Variants in ARFGEF1 observed in about 807,000 individuals in gnomAD.
The protein encoded by ARFGEF1 is ARF guanine nucleotide exchange factor 1.
ARFGEF1 carries 42 observed loss-of-function variants against 231.0 expected under a neutral mutation model. The observed-to-expected ratio is 0.18, with a 90% CI of 0.14 to 0.24. ARFGEF1 has a LOEUF of 0.24. Among genes scored for constraint, ARFGEF1 ranks in the 10% least tolerant of loss-of-function variants. The probability of loss-of-function intolerance (pLI) is 1.00; values close to 1 mark genes in which losing one functional copy is unlikely to be tolerated. For missense variants in ARFGEF1, 1,345 were observed against 2,192.0 expected (o/e 0.61, Z 7.72); for synonymous variants, 710 against 732.3 (o/e 0.97, Z 0.49).
At chr8:67,177,630 G>C in intron 5 of ARFGEF1, 1 of 1,212,326 alleles carries the variant, frequency 8.2e-7, no homozygotes. Context: ...AATTTATATA[G>C]TAAGCATTTT....
intron 29 of ARFGEF1, 69 bp downstream of exon 29, chr8:67,224,834 A>C (rs750448892): frequency 6.1e-5 from 70 of 1,147,984 alleles, no homozygotes; most frequent in Admixed American, 1.1e-4. Context: ...GATTGTGTTT[A>C]TAAAGAAGAG....
chr8:67,302,466 T>C lies in ARFGEF1; in HGVS notation c.125A>G (p.Glu42Gly), dbSNP rs1038077353. The C allele has an allele frequency of 6.4e-7, 1 of 1,564,350 alleles. No homozygotes were observed. The highest frequency in any genetic ancestry group is 8.6e-7 in the Non-Finnish European group (1 of 1,160,054). Residue 42 changes from glutamate to glycine, a missense_variant and splice_region_variant, in exon 2 of 39, where the codon GAG (glutamate) becomes GGG (glycine). This residue lies in a region of ARFGEF1 where 398 missense variants were observed against 463.2 expected (regional missense o/e 0.86). Transcript: ENST00000262215. ...TTTTTCAGTTTCCGCTTTTATTTCC[T>C]CTGAGGGGAAAAAAAAAGAAGCATA... ...QLRKACEVALEEIKAETEKQS... is the reference protein window; with the variant it reads ...QLRKACEVALGEIKAETEKQS...
Position 67,267,404 on chromosome 8 carries a change from A to T in ARFGEF1, c.1611T>A (p.Thr537=), listed in dbSNP as rs553031666. 6.2e-7 allele frequency: 1 copy of T among 1,611,832 alleles called. No individual in the cohort carries two copies. The highest frequency in any genetic ancestry group is 1.1e-5 in the South Asian group (1 of 90,316). The part of the protein sequence containing the change: ...FKEIFLYILE[T]STSSFDHKWM... ...ATTTGTGATCAAATGAGCTGGTAGAAGTTTCCAAAATGTATAAGAAAATTT... is the reference window on the plus strand; with the variant it reads ...ATTTGTGATCAAATGAGCTGGTAGATGTTTCCAAAATGTATAAGAAAATTT... Residue 537 remains threonine (T), a synonymous_variant, in exon 11 of 39, where the codon ACT becomes ACA. Transcript: ENST00000262215.
At chr8:67,302,367 C>G in intron 2 of ARFGEF1, 69 bp downstream of exon 2, 2 of 1,251,580 alleles carry the variant, frequency 1.6e-6, no homozygotes, top group Non-Finnish European at 2.2e-6. Flanking sequence ...ATACAGATGA[C>G]TATATTATTT....
chr8:67,178,739 G>A (rs1331003238), intron 5 of ARFGEF1, among the ~76,000 whole-genome samples: 1 of 152,190 alleles, frequency 6.6e-6, no homozygotes, highest in Admixed American at 6.5e-5. Flanking sequence ...TTGGCCTAGT[G>A]CATGTAAGGA....
chr8:67,220,325 C>T (rs878953753), intron 29 of ARFGEF1, among the ~76,000 whole-genome samples: 6 of 152,172 alleles, frequency 3.9e-5, no homozygotes, highest in Non-Finnish European at 8.8e-5. Context: ...ATACAGGCAT[C>T]CTCCAGTTTA....
At chr8:67,201,428 G>T in intron 37 of ARFGEF1, 39 bp downstream of exon 37, 1 of 1,580,592 alleles carries the variant, frequency 6.3e-7, no homozygotes, top group Non-Finnish European at 8.6e-7. Context: ...GCACCACGTG[G>T]CTACCTGGTC....
At chr8:67,285,181 C>A (rs1415912140) in intron 7 of ARFGEF1, among the ~76,000 whole-genome samples, 1 of 151,954 alleles carries the variant, frequency 6.6e-6, no homozygotes, top group East Asian at 1.9e-4. Flanking sequence ...TGCTATATTG[C>A]AACCCAATAT....
At chr8:67,331,216 G>A (rs1808084424) in intron 1 of ARFGEF1, among the ~76,000 whole-genome samples, 2 of 152,236 alleles carry the variant, frequency 1.3e-5, no homozygotes, top group South Asian at 2.1e-4. Flanking sequence ...TCGATTCAGA[G>A]AAACAAAATG....
intron 34 of ARFGEF1, among the ~76,000 whole-genome samples, chr8:67,210,745 G>A (rs576883661): frequency 3.2e-4 from 49 of 152,250 alleles, no homozygotes; most frequent in Non-Finnish European, 5.0e-4. Flanking sequence ...TCCAAATTAG[G>A]ATAAACACAG....
chr8:67,175,451 T>C (rs1831370603), downstream of ARFGEF1: 2 of 1,613,948 alleles, frequency 1.2e-6, no homozygotes, highest in Non-Finnish European at 1.7e-6. Flanking sequence ...GAAATAATCA[T>C]TGCTGTGTCA....
In ARFGEF1 at chr8:67,318,487, T is replaced by C. The variant is rs77976319; in HGVS notation, c.125-16021A>G. Among the ~76,000 whole-genome samples, 231 of 152,164 alleles carry C rather than the reference T, an allele frequency of 1.5e-3. 6 individuals carry two copies. The East Asian group carries it at 0.042, about 27-fold the overall frequency. On this transcript the variant is annotated intron_variant, in intron 1 of 38. Coordinates refer to ENST00000262215, the MANE Select transcript of ARFGEF1 (RefSeq NM_006421.5). ...GACAGTGTAAATAAGTAAATAAAGG[T>C]ATATAGGTTAGAGAGAAATACAACA...
intron 19 of ARFGEF1, 140 bp downstream of exon 19, chr8:67,251,159 T>TA (rs1008710480): frequency 3.9e-6 from 3 of 776,526 alleles, no homozygotes; most frequent in Non-Finnish European, 5.4e-6. Flanking sequence ...ATGTCCTAAA[T>TA]AACATGTTAT....
intron 1 of ARFGEF1, among the ~76,000 whole-genome samples, chr8:67,311,766 G>A (rs1807078830): frequency 6.6e-6 from 1 of 152,238 alleles, no homozygotes; most frequent in African/African-American, 2.4e-5. Flanking sequence ...AACGGGCCAG[G>A]ATGACAATGG....
chr8:67,190,809 C>CAGAACCCAGACCTCTCA, intron 5 of ARFGEF1: 1 of 1,353,270 alleles, frequency 7.4e-7, no homozygotes, highest in Non-Finnish European at 1.1e-6. Context: ...AATGAGAGGT[C>CAGAACCCAGACCTCTCA]TGGGTTCTGA....
At chr8:67,196,055 T>G (rs1313078409), downstream of ARFGEF1, 1 of 153,958 alleles carries the variant, frequency 6.5e-6, no homozygotes, top group Non-Finnish European at 1.4e-5. Context: ...TCCTATTAAT[T>G]AATTATTATT....
chr8:67,246,707 G>T (rs1420039824), intron 19 of ARFGEF1, among the ~76,000 whole-genome samples: 7 of 149,910 alleles, frequency 4.7e-5, no homozygotes, highest in Non-Finnish European at 7.4e-5. Flanking sequence ...AACTAGAAAA[G>T]CAAGAGCAAA....
intron 37 of ARFGEF1, among the ~76,000 whole-genome samples, chr8:67,200,788 G>A (rs557949312): frequency 6.6e-6 from 1 of 152,294 alleles, no homozygotes; most frequent in East Asian, 1.9e-4. Flanking sequence ...CGTGTGGCAG[G>A]TGGCACATGC....
At chr8:67,287,341 G>T (rs1011789960) in intron 7 of ARFGEF1, among the ~76,000 whole-genome samples, 9 of 152,334 alleles carry the variant, frequency 5.9e-5, no homozygotes, top group Middle Eastern at 3.4e-3. Context: ...TTCACAAGTT[G>T]AATTAAGAGA....
Sources: gnomAD v4.1 joint callset for allele counts (sites outside exome capture counted in the v4.1 genomes callset) on GRCh38, gnomAD v4.1.1 for gene constraint, gnomAD v4.1.1 regional missense constraint, MANE v1.5 for transcripts, NCBI Gene and HGNC (gene_info 2026-07-23, HGNC 2026-07-21) for gene names.